Variants in INPP4B observed in about 807,000 individuals in gnomAD.
INPP4B encodes the protein inositol polyphosphate 4-phosphatase type II.
In INPP4B, 55 loss-of-function variants were observed where a neutral mutation model predicts 122.5. The observed-to-expected ratio is 0.45, with a 90% CI of 0.36 to 0.56. INPP4B has a LOEUF of 0.56. Ranked by LOEUF, INPP4B falls within the 20% of genes least tolerant of loss-of-function variation. The pLI is 0.00. For missense variants in INPP4B, 1,000 were observed against 1,097.7 expected (o/e 0.91, Z 1.26); for synonymous variants, 403 against 388.7 (o/e 1.04, Z -0.43).
intron 18 of INPP4B, among the ~76,000 whole-genome samples, chr4:142,145,097 A>T (rs183186524): frequency 7.4e-4 from 113 of 152,250 alleles, no homozygotes; most frequent in Non-Finnish European, 1.4e-3. Context: ...TTAATCAAAC[A>T]TTAATCAAAT....
At chr4:142,662,229 C>T (rs1474234224) in intron 2 of INPP4B, among the ~76,000 whole-genome samples, 1 of 149,196 alleles carries the variant, frequency 6.7e-6, no homozygotes, top group Non-Finnish European at 1.5e-5. Context: ...AGTGAGACTG[C>T]CTCAAAAAAA....
intron 2 of INPP4B, among the ~76,000 whole-genome samples, chr4:142,725,037 T>C (rs1765159100): frequency 6.6e-6 from 1 of 152,130 alleles, no homozygotes; most frequent in Non-Finnish European, 1.5e-5. Context: ...AATGGATGTC[T>C]CAGTTCCCTT....
At chr4:142,573,224 C>T (rs1379574015) in intron 2 of INPP4B, among the ~76,000 whole-genome samples, 4 of 151,938 alleles carry the variant, frequency 2.6e-5, no homozygotes, top group African/African-American at 7.3e-5. Context: ...GGGAGAAATC[C>T]GCCCCCATGA....
At chr4:142,214,959 A>G (rs1284492977) in intron 12 of INPP4B, among the ~76,000 whole-genome samples, 3 of 152,244 alleles carry the variant, frequency 2.0e-5, no homozygotes, top group Non-Finnish European at 2.9e-5. Context: ...TCGTACCACA[A>G]TATGTTAGAG....
chr4:142,254,473 G>A (rs899895726), intron 11 of INPP4B, among the ~76,000 whole-genome samples: 107 of 152,102 alleles, frequency 7.0e-4, no homozygotes, highest in African/African-American at 2.4e-3. Context: ...TTAGAAGAAT[G>A]TATAACTAGA....
intron 5 of INPP4B, among the ~76,000 whole-genome samples, chr4:142,417,887 G>A (rs1003577205): frequency 3.9e-5 from 6 of 152,054 alleles, no homozygotes. Context: ...ATCTCCTTAT[G>A]TCAGTCTATT....
intron 2 of INPP4B, among the ~76,000 whole-genome samples, chr4:142,661,972 G>T (rs1465721162): frequency 6.6e-6 from 1 of 151,962 alleles, no homozygotes; most frequent in South Asian, 2.1e-4. Flanking sequence ...GGTGGCTCAC[G>T]CCTGTAATCC....
chr4:142,231,785 T>A lies in INPP4B; in HGVS notation c.836+6079A>T, dbSNP rs150525457. 3.6e-3 allele frequency among the ~76,000 whole-genome samples: 545 copies of A among 152,158 alleles called. 4 individuals carry two copies. The highest frequency in any genetic ancestry group is 0.013 in the African/African-American group (524 of 41,530). On this transcript the variant is annotated intron_variant, in intron 12 of 25. Coordinates refer to ENST00000262992, the MANE Select transcript of INPP4B (RefSeq NM_001101669.3). The stretch of plus-strand genomic sequence containing the variant: ...TATAGAGTGATGGCAACACACCAAC[T>A]CACAATTGTTTATTCATCAGCTTAT...
At chr4:142,317,467 C>A in intron 7 of INPP4B, 1 of 287,860 alleles carries the variant, frequency 3.5e-6, no homozygotes, top group South Asian at 4.2e-5. Flanking sequence ...ATATGTAAAT[C>A]AATGAAACTG....
chr4:142,580,322 A>G (rs1165761777), intron 2 of INPP4B, among the ~76,000 whole-genome samples: 5 of 152,010 alleles, frequency 3.3e-5, no homozygotes, highest in Non-Finnish European at 7.4e-5. Context: ...AAACAATGTT[A>G]GGTACTTAGT....
intron 1 of INPP4B, among the ~76,000 whole-genome samples, chr4:142,791,440 A>G (rs761390495): frequency 4.4e-4 from 67 of 152,244 alleles, no homozygotes; most frequent in Middle Eastern, 3.4e-3. Flanking sequence ...CTGCTCAAAC[A>G]TAAGGTAAAT....
chr4:142,562,501 C>T (rs189860018), intron 2 of INPP4B, among the ~76,000 whole-genome samples: 1 of 152,172 alleles, frequency 6.6e-6, no homozygotes, highest in Admixed American at 6.5e-5. Context: ...GACTTTTTCC[C>T]CTCAATGAAT....
chr4:142,734,664 A>T (rs919685258), intron 1 of INPP4B, among the ~76,000 whole-genome samples: 14 of 149,532 alleles, frequency 9.4e-5, no homozygotes, highest in Admixed American at 2.0e-4. Flanking sequence ...GTTTGTTTTC[A>T]GATGGAGTTT....
In INPP4B at chr4:142,082,019, CAT is replaced by C; in HGVS notation, c.2642+10_2642+11del. ...CCTTAAAAGAAAAAAACTTGAAAAA[CAT>C]GTGAGATACCTTCTCATGCAATCCA... On this transcript the variant is annotated intron_variant, in intron 25 of 25. Coordinates refer to ENST00000262992, the MANE Select transcript of INPP4B (RefSeq NM_001101669.3). 2 of 1,396,640 alleles carry C rather than the reference CAT, an allele frequency of 1.4e-6. No individual in the cohort carries two copies. Among genetic ancestry groups the C allele is most frequent in the Non-Finnish European group, 1.9e-6 (2 of 1,057,970 alleles). 86.5% of individuals were successfully genotyped at this position (1,396,640 alleles called of 1,614,324 possible).
chr4:142,322,464 G>A (rs1344202456), intron 7 of INPP4B, among the ~76,000 whole-genome samples: 1 of 152,098 alleles, frequency 6.6e-6, no homozygotes, highest in Non-Finnish European at 1.5e-5. Flanking sequence ...TGAAAGGAGT[G>A]GCCTGGGTGT....
chr4:142,720,791 C>G (rs1329626891), intron 2 of INPP4B, among the ~76,000 whole-genome samples: 1 of 39,554 alleles, frequency 2.5e-5, no homozygotes, highest in Non-Finnish European at 5.3e-5. Flanking sequence ...CTCTCTCTCT[C>G]TCTCTCTCTC....
chr4:142,414,806 T>C (rs1232489044), intron 5 of INPP4B, among the ~76,000 whole-genome samples: 3 of 152,238 alleles, frequency 2.0e-5, no homozygotes, highest in Non-Finnish European at 1.5e-5. Context: ...ATCGTTGCAT[T>C]CAGACTTGGC....
chr4:142,455,202 G>A (rs968617228), intron 3 of INPP4B, among the ~76,000 whole-genome samples: 12 of 151,840 alleles, frequency 7.9e-5, no homozygotes, highest in Non-Finnish European at 1.6e-4. Context: ...TAATATATAC[G>A]ATTAAGTTAT....
At chr4:142,260,682 A>G (rs1739516886) in intron 10 of INPP4B, 118 bp from the exon 11 acceptor site, 1 of 663,108 alleles carries the variant, frequency 1.5e-6, no homozygotes, top group Admixed American at 3.3e-5. Context: ...TTTGAATAAA[A>G]TACTTTTTAA....
Sources: allele counts gnomAD v4.1 joint callset (sites outside exome capture counted in the v4.1 genomes callset), GRCh38; gene constraint gnomAD v4.1.1; transcripts MANE v1.5; gene names NCBI Gene and HGNC (gene_info 2026-07-23, HGNC 2026-07-21).